Variants in LCOR observed in about 807,000 individuals in gnomAD.
LCOR encodes ligand dependent nuclear receptor corepressor.
LCOR carries 14 observed loss-of-function variants against 64.4 expected under a neutral mutation model. The observed-to-expected ratio is 0.22, with a 90% CI of 0.14 to 0.34. The LOEUF is 0.34. Ranked by LOEUF, LCOR falls within the 10% of genes least tolerant of loss-of-function variation. The pLI is 1.00. For synonymous variants in LCOR, 643 were observed against 642.5 expected, an observed-to-expected ratio of 1.00 and a Z score of -0.01; for missense variants, 1,686 against 1,765.3, an observed-to-expected ratio of 0.96 and a Z score of 0.80.
chr10:96,958,222 C>T (rs1847815780), intron 7 of LCOR: 1 of 1,300,810 alleles, frequency 7.7e-7, no homozygotes, highest in Non-Finnish European at 9.8e-7. Context: ...CTCAGAAAGA[C>T]ATCACTAAAG....
intron 7 of LCOR, chr10:96,955,424 C>T (rs772986885): frequency 6.2e-7 from 1 of 1,614,174 alleles, no homozygotes; most frequent in Admixed American, 1.7e-5. Context: ...GGGAGTCTCG[C>T]ACTGGTGATC....
chr10:96,885,615 C>G (rs1373571026), intron 2 of LCOR, among the ~76,000 whole-genome samples: 2 of 135,432 alleles, frequency 1.5e-5, no homozygotes, highest in Admixed American at 1.6e-4. Flanking sequence ...CCAAGCTGAT[C>G]TCAAACTCCT....
At chr10:96,921,690 C>T (rs1847084588) in intron 4 of LCOR, among the ~76,000 whole-genome samples, 1 of 152,188 alleles carries the variant, frequency 6.6e-6, no homozygotes, top group South Asian at 2.1e-4. Context: ...TCTCAAACTC[C>T]TGGCCTCAAG....
intron 2 of LCOR, among the ~76,000 whole-genome samples, chr10:96,887,577 T>A (rs1846365376): frequency 6.7e-6 from 1 of 150,170 alleles, no homozygotes; most frequent in Non-Finnish European, 1.5e-5. Context: ...AAAAAAAAAA[T>A]ACTACTTAAT....
intron 4 of LCOR, among the ~76,000 whole-genome samples, chr10:96,912,714 ATCT>A (rs763783850): frequency 5.6e-5 from 8 of 143,694 alleles, no homozygotes; most frequent in Non-Finnish European, 4.6e-5. Context: ...TTTTGTAAAT[ATCT>A]TCTTTTTTTT....
chr10:96,864,590 G>GA (rs1845940041), intron 2 of LCOR, among the ~76,000 whole-genome samples: 2 of 152,274 alleles, frequency 1.3e-5, no homozygotes, highest in South Asian at 4.1e-4. Flanking sequence ...TAAAAGCTCT[G>GA]AAAAGAGACG....
intron 2 of LCOR, among the ~76,000 whole-genome samples, chr10:96,862,258 A>C (rs1254529154): frequency 6.6e-6 from 1 of 151,910 alleles, no homozygotes; most frequent in Non-Finnish European, 1.5e-5. Flanking sequence ...GCTTCGTTAC[A>C]TAGACATGAT....
intron 2 of LCOR, among the ~76,000 whole-genome samples, chr10:96,877,818 A>T (rs1429978416): frequency 6.6e-6 from 1 of 151,842 alleles, no homozygotes; most frequent in Non-Finnish European, 1.5e-5. Flanking sequence ...TCACCGCATT[A>T]GCCAGGATGG....
At position 96,989,389 on chromosome 10, in the gene LCOR, T is replaced by C. The variant is rs1848176255; in HGVS notation, c.*4255T>C. 1 of 152,186 alleles carries C rather than the reference T, an allele frequency of 6.6e-6. No individual in the cohort carries two copies. Among genetic ancestry groups the C allele is most frequent in the Non-Finnish European group, 1.5e-5 (1 of 68,042 alleles). The allele number at this position is 152,186 out of a possible 1,614,324, so 9.4% of individuals were successfully genotyped here. On this transcript the variant is annotated 3_prime_UTR_variant, in exon 8 of 8. Coordinates refer to ENST00000421806, the MANE Select transcript of LCOR (RefSeq NM_001346516.2). ...AGTTGAGACTACTTTAGTTGGACTT[T>C]TAGTCCTCTGAATGTCACATTTAGA...
intron 7 of LCOR, among the ~76,000 whole-genome samples, chr10:96,970,719 G>T (rs1219374696): frequency 6.6e-6 from 1 of 151,066 alleles, no homozygotes; most frequent in Non-Finnish European, 1.5e-5. Context: ...GAGTGAAGTG[G>T]CATGATCTCG....
intron 2 of LCOR, among the ~76,000 whole-genome samples, chr10:96,839,373 G>C (rs1429988481): frequency 6.6e-6 from 1 of 152,168 alleles, no homozygotes; most frequent in African/African-American, 2.4e-5. Context: ...GATACCTTAT[G>C]AAGAGAATAA....
intron 7 of LCOR, chr10:96,958,779 T>C (rs1391651984): frequency 2.3e-5 from 5 of 218,372 alleles, no homozygotes; most frequent in South Asian, 2.6e-4. Context: ...TGTAGATTAT[T>C]TTAAAGCACT....
At position 96,981,064 on chromosome 10, in the gene LCOR, T is replaced by G; in HGVS notation, c.604T>G (p.Ser202Ala). The G allele has an allele frequency of 2.8e-6, 2 of 703,026 alleles. No homozygotes were observed. The highest frequency in any genetic ancestry group is 3.0e-5 in the South Asian group (2 of 67,604). The allele number at this position is 703,026 out of a possible 1,614,324, so 43.5% of individuals were successfully genotyped here. Residue 202 changes from serine to alanine, a missense_variant, in exon 8 of 8, where the codon TCT (serine) becomes GCT (alanine). Coordinates refer to ENST00000421806, the MANE Select transcript of LCOR (RefSeq NM_001346516.2). ...GTGTCTCGATATGAAGTCTTCTGCT[T>G]CTGTAGATTTGTTCGTAGACTCGTC... The part of the protein sequence containing the change: ...ALCLDMKSSA[S>A]VDLFVDSSDS...
At chr10:96,880,002 G>A (rs778749015) in intron 2 of LCOR, among the ~76,000 whole-genome samples, 1 of 152,210 alleles carries the variant, frequency 6.6e-6, no homozygotes. Context: ...TGTCTGGCAT[G>A]TTACAAGAAG....
At chr10:96,886,692 G>A (rs182819248) in intron 2 of LCOR, among the ~76,000 whole-genome samples, 76 of 152,212 alleles carry the variant, frequency 5.0e-4, no homozygotes, top group South Asian at 2.9e-3. Context: ...AACCTTAAGA[G>A]ATTTTACTGG....
In LCOR at chr10:96,982,618, C is replaced by A; in HGVS notation, c.2158C>A (p.Leu720Met). 1 of 1,614,104 alleles carries A rather than the reference C, an allele frequency of 6.2e-7. No homozygotes were observed. Among genetic ancestry groups the A allele is most frequent in the Non-Finnish European group, 8.5e-7 (1 of 1,180,032 alleles). ...SPMGLEPPMS[L>M]GKAEDNQSIS... ...AATGGGCTTGGAGCCCCCCATGAGT[C>A]TGGGAAAGGCTGAGGACAACCAAAG... The change falls in exon 8 of 8, where the codon CTG becomes ATG. Residue 720 changes from leucine to methionine, a missense_variant. This residue lies in a region of LCOR where 1,293 missense variants were observed against 1,410.4 expected (regional missense o/e 0.92). Coordinates refer to ENST00000421806, the MANE Select transcript of LCOR (RefSeq NM_001346516.2).
At chr10:96,953,069 A>G (rs551600659) in intron 7 of LCOR, among the ~76,000 whole-genome samples, 6 of 152,162 alleles carry the variant, frequency 3.9e-5, no homozygotes, top group Non-Finnish European at 8.8e-5. Context: ...CTTCAAATAG[A>G]AGGATTCCTT....
chr10:96,981,608 C>A lies in LCOR; in HGVS notation c.1148C>A (p.Ala383Glu). 6.2e-7 allele frequency: 1 copy of A among 1,614,156 alleles called. No homozygotes were observed. The highest frequency in any genetic ancestry group is 8.5e-7 in the Non-Finnish European group (1 of 1,180,038). The change falls in exon 8 of 8, where the codon GCA becomes GAA. Residue 383 changes from alanine to glutamate, a missense_variant. This residue lies in a region of LCOR where 313 missense variants were observed against 247.2 expected (regional missense o/e 1.27). Transcript: ENST00000421806. Reference protein sequence around the residue: ...PKTPLRQDLEANEQDARPKQE... With the variant: ...PKTPLRQDLEENEQDARPKQE... ...ACACCTTTGCGCCAGGATTTAGAGGCAAATGAACAAGATGCAAGGCCAAAG... is the reference window on the plus strand; with the variant it reads ...ACACCTTTGCGCCAGGATTTAGAGGAAAATGAACAAGATGCAAGGCCAAAG...
chr10:96,847,833 T>C (rs545573918), intron 2 of LCOR, among the ~76,000 whole-genome samples: 5 of 152,176 alleles, frequency 3.3e-5, no homozygotes, highest in East Asian at 1.9e-4. Context: ...TGGAGAAGAG[T>C]GTTCTGTAGT....
Sources: allele counts gnomAD v4.1 joint callset (sites outside exome capture counted in the v4.1 genomes callset), GRCh38; gene constraint gnomAD v4.1.1; regional missense constraint gnomAD v4.1.1; transcripts MANE v1.5; gene names NCBI Gene and HGNC (gene_info 2026-07-23, HGNC 2026-07-21).